PCDH15: variants seen among roughly 807,000 people sequenced by gnomAD.
The protein encoded by PCDH15 is protocadherin related 15.
In PCDH15, 129 loss-of-function variants were observed where a neutral mutation model predicts 178.5. That is an observed-to-expected ratio of 0.72 (90% confidence interval 0.63 to 0.84). The LOEUF is 0.84. Ranked by LOEUF, PCDH15 falls within the 40% of genes least tolerant of loss-of-function variation. The pLI is 0.00. For synonymous variants in PCDH15, 800 were observed against 732.0 expected, an observed-to-expected ratio of 1.09 and a Z score of -1.50; for missense variants, 2,230 against 2,099.9, an observed-to-expected ratio of 1.06 and a Z score of -1.21.
intron 3 of PCDH15, among the ~76,000 whole-genome samples, chr10:54,854,542 GA>G (rs980801091): frequency 3.3e-5 from 5 of 152,146 alleles, no homozygotes; most frequent in Admixed American, 2.0e-4. Flanking sequence ...TCTGCAGCCA[GA>G]GTGTCCCAAT....
At chr10:54,443,805 A>C (rs1424051847) in intron 3 of PCDH15, among the ~76,000 whole-genome samples, 1 of 151,618 alleles carries the variant, frequency 6.6e-6, no homozygotes, top group Non-Finnish European at 1.5e-5. Context: ...TAATTAATCA[A>C]CCTGGCTGCT....
intron 8 of PCDH15, among the ~76,000 whole-genome samples, chr10:54,285,805 T>C (rs1387485643): frequency 2.0e-5 from 3 of 152,180 alleles, no homozygotes; most frequent in African/African-American, 7.2e-5. Context: ...AGCCAAGATA[T>C]GAACCAACCT....
At chr10:53,992,169 C>T (rs779669199) in intron 21 of PCDH15, among the ~76,000 whole-genome samples, 1 of 152,094 alleles carries the variant, frequency 6.6e-6, no homozygotes, top group Non-Finnish European at 1.5e-5. Context: ...AGACGTGCTG[C>T]CTTAAGAGCT....
intron 2 of PCDH15, among the ~76,000 whole-genome samples, chr10:55,013,328 T>C (rs1840091765): frequency 6.6e-6 from 1 of 150,826 alleles, no homozygotes; most frequent in Non-Finnish European, 1.5e-5. Context: ...CAAATGTGGA[T>C]ATGTGTTGCC....
Position 55,393,548 on chromosome 10 carries a change from A to G in PCDH15, c.-155-226897T>C, listed in dbSNP as rs146811856. 4.5e-3 allele frequency among the ~76,000 whole-genome samples: 692 copies of G among 152,302 alleles called. 6 individuals carry two copies. The highest frequency in any genetic ancestry group is 0.016 in the African/African-American group (661 of 41,574). On this transcript the variant is annotated intron_variant, in intron 2 of 5. Transcript: ENST00000613346. ...ATCAACTAAGACAGACCCTAAGGTT[A>G]AGGAAACAAAAGTTACCTATGGGTC...
chr10:54,313,146 A>T (rs184022968), intron 8 of PCDH15, among the ~76,000 whole-genome samples: 1 of 152,218 alleles, frequency 6.6e-6, no homozygotes, highest in East Asian at 1.9e-4. Context: ...ATTGATCTTC[A>T]GTTAAAGACC....
At chr10:55,344,850 G>A (rs930692057) in intron 2 of PCDH15, among the ~76,000 whole-genome samples, 1 of 152,040 alleles carries the variant, frequency 6.6e-6, no homozygotes, top group Non-Finnish European at 1.5e-5. Context: ...AAGAAAAAAG[G>A]TCCAAGGATT....
At chr10:54,141,024 T>C (rs2043358496) in intron 14 of PCDH15, among the ~76,000 whole-genome samples, 1 of 151,790 alleles carries the variant, frequency 6.6e-6, no homozygotes, top group Non-Finnish European at 1.5e-5. Context: ...TTTGTTCTAC[T>C]TAAATATACA....
chr10:53,808,565 T>C, intron 37 of PCDH15: 1 of 1,448,952 alleles, frequency 6.9e-7, no homozygotes, highest in South Asian at 1.5e-5. Context: ...GGCATGCTTC[T>C]GATCATAAGT....
At chr10:54,232,136 T>C (rs1485290870) in intron 9 of PCDH15, among the ~76,000 whole-genome samples, 2 of 152,132 alleles carry the variant, frequency 1.3e-5, no homozygotes, top group African/African-American at 4.8e-5. Context: ...ATCTCCAATG[T>C]AGGAGGAGGG....
intron 2 of PCDH15, among the ~76,000 whole-genome samples, chr10:54,642,632 T>A (rs11816997): frequency 0.42 from 63,678 of 152,014 alleles, 14,379 homozygotes; most frequent in African/African-American, 0.59. Flanking sequence ...TTACAGAAAA[T>A]TCTGTTTCTC....
At chr10:55,438,948 G>T (rs1310938209) in intron 2 of PCDH15, among the ~76,000 whole-genome samples, 1 of 151,232 alleles carries the variant, frequency 6.6e-6, no homozygotes, top group African/African-American at 2.4e-5. Flanking sequence ...ACCCAGGCTG[G>T]AGTGCAGTGG....
intron 2 of PCDH15, among the ~76,000 whole-genome samples, chr10:54,588,860 C>T (rs2091688420): frequency 6.6e-6 from 1 of 152,096 alleles, no homozygotes; most frequent in East Asian, 1.9e-4. Context: ...AGGCATAAGC[C>T]ACCACACCTG....
rs1273934671 is a variant in PCDH15 at position 53,980,198 on chromosome 10, G to T, written c.2868+15451C>A. ...ATCACACCACTACACTCCAGCCTGG[G>T]TGACAGAGTGAGACTCCATCTCAAA... is the stretch of plus-strand genomic sequence containing the variant. On this transcript the variant is annotated intron_variant, in intron 21 of 37. Transcript: ENST00000644397. Among the ~76,000 whole-genome samples the T allele has an allele frequency of 5.4e-5, 8 of 147,596 alleles. No homozygotes were observed. The East Asian group carries it at 1.4e-3, about 26-fold the overall frequency.
At chr10:54,450,004 C>T (rs555019963) in intron 3 of PCDH15, among the ~76,000 whole-genome samples, 8 of 151,382 alleles carry the variant, frequency 5.3e-5, no homozygotes, top group Non-Finnish European at 1.2e-4. Flanking sequence ...CTAGATCCTC[C>T]CAAAGTTTGA....
intron 3 of PCDH15, among the ~76,000 whole-genome samples, chr10:54,846,435 T>C (rs1486689015): frequency 2.0e-5 from 3 of 152,154 alleles, no homozygotes; most frequent in Non-Finnish European, 4.4e-5. Context: ...CTTGAAGCTA[T>C]TCATGTGTCT....
chr10:54,329,693 G>C lies in PCDH15; in HGVS notation c.608C>G (p.Thr203Ser). The C allele has an allele frequency of 6.3e-7, 1 of 1,592,004 alleles. No homozygotes were observed. The highest frequency in any genetic ancestry group is 1.1e-5 in the South Asian group (1 of 90,660). The stretch of plus-strand genomic sequence containing the variant: ...AGTCAACATTAGGGGAATTTCAAAG[G>C]TGTCATTGGATGTCTGCAAATATTA... ...YNPDDPTSND[T>S]FEIPLMLTGN... Residue 203 changes from threonine (T) to serine (S), a missense_variant, in exon 7 of 38, where the codon ACC becomes AGC. By Grantham distance (58) the Thr-to-Ser change is moderately conservative (BLOSUM62 1). Coordinates refer to ENST00000644397, the MANE Select transcript of PCDH15 (RefSeq NM_001384140.1).
chr10:55,066,324 T>G (rs372595241), intron 2 of PCDH15, among the ~76,000 whole-genome samples: 3 of 151,094 alleles, frequency 2.0e-5, no homozygotes, highest in East Asian at 1.9e-4. Flanking sequence ...TTAAGTTTTT[T>G]ACTGTTCTCT....
At chr10:55,056,138 T>G (rs991814057) in intron 2 of PCDH15, among the ~76,000 whole-genome samples, 3 of 152,192 alleles carry the variant, frequency 2.0e-5, no homozygotes, top group Admixed American at 2.0e-4. Flanking sequence ...ACTTAGCAAT[T>G]TAAATCTCAT....
Sources: gnomAD v4.1 joint callset for allele counts (sites outside exome capture counted in the v4.1 genomes callset) on GRCh38, gnomAD v4.1.1 for gene constraint, MANE v1.5 for transcripts, NCBI Gene and HGNC (gene_info 2026-07-23, HGNC 2026-07-21) for gene names.